MROH1: variants seen among roughly 807,000 people sequenced by gnomAD.
The protein encoded by MROH1 is maestro heat like repeat family member 1.
A neutral mutation model predicts 116.5 loss-of-function variants in MROH1; 117 were observed. That is an observed-to-expected ratio of 1.00 (90% confidence interval 0.86 to 1.17). The LOEUF (loss-of-function observed/expected upper bound fraction) is 1.17. MROH1 is among the 50% of genes most tolerant of loss of function. The pLI is 0.00. For synonymous variants in MROH1, 921 were observed against 583.9 expected (o/e 1.58, Z -8.32); for missense variants, 1,873 against 1,338.5 (o/e 1.40, Z -6.23).
At chr8:144,172,186 G>C (rs1228256116) in intron 4 of MROH1, among the ~76,000 whole-genome samples, 1 of 152,162 alleles carries the variant, frequency 6.6e-6, no homozygotes, top group Non-Finnish European at 1.5e-5. Flanking sequence ...CATCTGTGGA[G>C]AATCTCCTTC....
intron 12 of MROH1, among the ~76,000 whole-genome samples, chr8:144,212,296 G>A (rs538470732): frequency 4.6e-5 from 7 of 152,154 alleles, no homozygotes; most frequent in African/African-American, 1.7e-4. Flanking sequence ...TGTTGCCCAG[G>A]CTGGTCCTGG....
rs1825869294 is a variant in MROH1, at chr8:144,182,144, T to A, written c.562+1621T>A. Among the ~76,000 whole-genome samples the A allele has an allele frequency of 6.6e-6, 1 of 152,126 alleles. No homozygotes were observed. Among genetic ancestry groups the A allele is most frequent in the Admixed American group, 6.5e-5 (1 of 15,278 alleles). ...CAGCCTGGGGCCAGAGGAAGCCGTA[T>A]CAACCGGGTGAGGCCTAGTGGTGGG... On this transcript the variant is annotated intron_variant, in intron 7 of 43. Transcript: ENST00000326134. This position sits in a 1 kb window ranked among gnomAD's most constrained non-coding sequence, Gnocchi z 4.1.
intron 1 of MROH1, among the ~76,000 whole-genome samples, chr8:144,151,685 GCTGC>G (rs1816833321): frequency 1.3e-5 from 2 of 152,338 alleles, no homozygotes; most frequent in South Asian, 4.1e-4. Flanking sequence ...TTTAGCACAA[GCTGC>G]CTATAGACGG....
intron 35 of MROH1, among the ~76,000 whole-genome samples, chr8:144,257,103 A>G (rs1844011350): frequency 6.6e-6 from 1 of 152,162 alleles, no homozygotes; most frequent in South Asian, 2.1e-4. Flanking sequence ...AACTGCAGTG[A>G]CTGGTGTGGC....
chr8:144,260,546 T>C, intron 39 of MROH1, 131 bp from the exon 40 acceptor site: 1 of 751,914 alleles, frequency 1.3e-6, no homozygotes, highest in East Asian at 2.4e-5. Context: ...CCCCCACCCG[T>C]AAGGCCCCCA....
intron 14 of MROH1, among the ~76,000 whole-genome samples, chr8:144,228,316 C>T (rs1459500302): frequency 2.0e-5 from 3 of 152,162 alleles, no homozygotes; most frequent in Non-Finnish European, 1.5e-5. Flanking sequence ...CATGCCTTAA[C>T]TTACAAACAC....
intron 4 of MROH1, among the ~76,000 whole-genome samples, chr8:144,171,029 G>A (rs185333853): frequency 2.2e-3 from 339 of 152,326 alleles, no homozygotes; most frequent in Non-Finnish European, 3.5e-3. Flanking sequence ...CAAATGGGGG[G>A]GATTTCTCTC....
chr8:144,194,432 C>T (rs533907603), intron 10 of MROH1, among the ~76,000 whole-genome samples: 1 of 152,308 alleles, frequency 6.6e-6, no homozygotes, highest in South Asian at 2.1e-4. Flanking sequence ...CCCGAACCCT[C>T]AGTCTGCATC....
chr8:144,223,087 T>A, intron 13 of MROH1, 21 bp from the exon 14 acceptor site: 1 of 1,612,974 alleles, frequency 6.2e-7, no homozygotes, highest in South Asian at 1.1e-5. Flanking sequence ...CTTCCTGATC[T>A]CCCATTTGTT....
intron 3 of MROH1, 45 bp from the exon 4 acceptor site, chr8:144,168,250 A>G: frequency 6.6e-7 from 1 of 1,517,906 alleles, no homozygotes; most frequent in Non-Finnish European, 8.8e-7. Flanking sequence ...GTGATAGGAG[A>G]GGGCGCTTGG....
rs1410773878 is a variant in MROH1 at position 144,173,269 on chromosome 8, A to AT, written c.168+4839dup. 3.5e-3 allele frequency among the ~76,000 whole-genome samples: 521 copies of AT among 146,828 alleles called. 3 individuals are homozygous for AT. Among genetic ancestry groups the AT allele is most frequent in the African/African-American group, 0.011 (421 of 40,066 alleles). Reference sequence around the variant, plus strand: ...AGGCACGTGCCACCACTCCTGGCTAATTTTTTTTTTGTAGTTTTAGTAGAG... The same window carrying AT: ...AGGCACGTGCCACCACTCCTGGCTAATTTTTTTTTTTGTAGTTTTAGTAGAG... On this transcript the variant is annotated intron_variant, in intron 4 of 43. Coordinates refer to ENST00000326134, the MANE Select transcript of MROH1 (RefSeq NM_032450.3).
chr8:144,154,042 G>A (rs1817473327), intron 1 of MROH1, among the ~76,000 whole-genome samples: 1 of 151,514 alleles, frequency 6.6e-6, no homozygotes, highest in Non-Finnish European at 1.5e-5. Flanking sequence ...CTACGGGCGT[G>A]AGCCAAAGCG....
chr8:144,222,462 C>T (rs1334458219), intron 13 of MROH1, among the ~76,000 whole-genome samples: 1 of 152,178 alleles, frequency 6.6e-6, no homozygotes, highest in African/African-American at 2.4e-5. Context: ...GGCCTTCACA[C>T]AGCTTAGGGA....
chr8:144,173,495 G>A (rs1037988632), intron 4 of MROH1, among the ~76,000 whole-genome samples: 20 of 150,206 alleles, frequency 1.3e-4, no homozygotes, highest in East Asian at 3.9e-4. Context: ...GGCGCAAACC[G>A]GCTCGCTGCA....
chr8:144,240,769 G>T (rs887273314), intron 20 of MROH1, 92 bp downstream of exon 20: 6 of 694,152 alleles, frequency 8.6e-6, no homozygotes, highest in Non-Finnish European at 1.6e-5. Flanking sequence ...CCTGTCTCCC[G>T]TGGCCCTGGT....
intron 7 of MROH1, among the ~76,000 whole-genome samples, chr8:144,184,407 C>T (rs951012490): frequency 6.6e-6 from 1 of 152,086 alleles, no homozygotes; most frequent in Non-Finnish European, 1.5e-5. Context: ...AGTCACAAAG[C>T]ACACACGTCA....
chr8:144,217,889 C>T (rs1835615207), intron 12 of MROH1, among the ~76,000 whole-genome samples: 1 of 151,822 alleles, frequency 6.6e-6, no homozygotes, highest in Admixed American at 6.6e-5. Context: ...GGCCCAGTAT[C>T]CCTCGGGTGG....
chr8:144,175,703 C>G (rs371672581), intron 4 of MROH1: 18 of 377,926 alleles, frequency 4.8e-5, no homozygotes, highest in African/African-American at 3.1e-4. Flanking sequence ...ACAAGAGGAT[C>G]GCTTGAGGCC....
At chr8:144,248,353 C>T (rs1328372156) in intron 31 of MROH1, among the ~76,000 whole-genome samples, 2 of 150,398 alleles carry the variant, frequency 1.3e-5, no homozygotes, top group Non-Finnish European at 2.9e-5. Context: ...CCCCTCCCTC[C>T]GTGCTCTCAT....
Sources: allele counts gnomAD v4.1 joint callset (sites outside exome capture counted in the v4.1 genomes callset), GRCh38; gene constraint gnomAD v4.1.1; non-coding constraint Gnocchi (gnomAD v3.1); transcripts MANE v1.5; gene names NCBI Gene and HGNC (gene_info 2026-07-23, HGNC 2026-07-21).